Variants in DTX4 observed in about 807,000 individuals in gnomAD.
The protein encoded by DTX4 is E3 ubiquitin-protein ligase DTX4.
DTX4 carries 28 observed loss-of-function variants against 57.6 expected under a neutral mutation model. The observed-to-expected ratio is 0.49, with a 90% CI of 0.36 to 0.67. The LOEUF (loss-of-function observed/expected upper bound fraction) is 0.67, where lower values mean the gene tolerates loss of function less well. Ranked by LOEUF, DTX4 falls within the 30% of genes least tolerant of loss-of-function variation. DTX4 has a pLI of 0.00. For synonymous variants in DTX4, 316 were observed against 331.0 expected (o/e 0.95, Z 0.49); for missense variants, 715 against 836.8 (o/e 0.85, Z 1.80).
At chr11:59,188,683 C>A in intron 2 of DTX4, 52 bp from the exon 3 acceptor site, 1 of 1,461,930 alleles carries the variant, frequency 6.8e-7, no homozygotes, top group South Asian at 1.1e-5. Flanking sequence ...AATACTGGTC[C>A]ATTTTGTTCC....
rs1862843003 is a variant in DTX4 at position 59,208,359 on chromosome 11, C to CTG, written c.*3451_*3452insGT. On this transcript the variant is annotated 3_prime_UTR_variant, in exon 9 of 9. Coordinates refer to ENST00000227451, the MANE Select transcript of DTX4 (RefSeq NM_015177.2). ...CACCCACACATTTGACCTGGCTAGA[C>CTG]TTTGTTTGCCTAAAGGAACAGACCA... The CTG allele has an allele frequency of 3.3e-5, 1 of 30,576 alleles. No homozygotes were observed. Among genetic ancestry groups the CTG allele is most frequent in the African/African-American group, 8.3e-5 (1 of 12,064 alleles). The allele number at this position is 30,576 out of a possible 1,614,324, so 1.9% of individuals were successfully genotyped here. A position where few individuals can be genotyped will look rare whatever the true frequency, so the allele number is the denominator to read the frequency against.
chr11:59,189,442 A>G, intron 4 of DTX4, 119 bp downstream of exon 4: 1 of 1,011,046 alleles, frequency 9.9e-7, no homozygotes, highest in South Asian at 1.7e-5. Flanking sequence ...CAATTTCTGC[A>G]TCTGTAAGTG....
intron 7 of DTX4, among the ~76,000 whole-genome samples, chr11:59,196,448 C>T (rs1862671504): frequency 6.6e-6 from 1 of 152,260 alleles, no homozygotes; most frequent in African/African-American, 2.4e-5. Flanking sequence ...AAATGTACAT[C>T]ACTAATAAAA....
intron 8 of DTX4, among the ~76,000 whole-genome samples, chr11:59,200,470 G>C (rs1391323735): frequency 6.6e-6 from 1 of 152,126 alleles, no homozygotes; most frequent in Non-Finnish European, 1.5e-5. Flanking sequence ...CACCACATAG[G>C]AGCTTGATAG....
rs573068755 is a variant in DTX4, at chr11:59,183,031, G to A, written c.935+569G>A. ...GGGCTTTACATCTCATTTAATCCTTGCAACAACTCTATGAAGTAGGCAAGT... is the reference window on the plus strand; with the variant it reads ...GGGCTTTACATCTCATTTAATCCTTACAACAACTCTATGAAGTAGGCAAGT... On this transcript the variant is annotated intron_variant, in intron 2 of 8. Transcript: ENST00000227451. 2.6e-5 allele frequency among the ~76,000 whole-genome samples: 4 copies of A among 152,192 alleles called. 1 individual carries two copies. Among genetic ancestry groups the A allele is most frequent in the South Asian group, 2.1e-4 (1 of 4,828 alleles).
rs772608196 is a variant in DTX4 at position 59,172,581 on chromosome 11, A to C, written c.-15A>C. 7.1e-7 allele frequency: 1 copy of C among 1,408,822 alleles called. No individual in the cohort carries two copies. The highest frequency in any genetic ancestry group is 1.5e-5 in the African/African-American group (1 of 67,220). The allele number at this position is 1,408,822 out of a possible 1,614,324, so 87.3% of individuals were successfully genotyped here. A position where few individuals can be genotyped will look rare whatever the true frequency, so the allele number is the denominator to read the frequency against. On this transcript the variant is annotated 5_prime_UTR_variant, in exon 1 of 9. Transcript: ENST00000227451. ...CGGGAGGCGGGCCGCGCAGCGCCGC[A>C]GCCCCGGGCTCGCCATGCTCCTGGC...
chr11:59,190,449 G>C (rs1459503140), intron 4 of DTX4, among the ~76,000 whole-genome samples: 1 of 152,142 alleles, frequency 6.6e-6, no homozygotes, highest in Non-Finnish European at 1.5e-5. Context: ...GCCCAAGGTA[G>C]CACTGATCAT....
At chr11:59,176,146 T>C (rs1862393044) in intron 1 of DTX4, among the ~76,000 whole-genome samples, 1 of 152,156 alleles carries the variant, frequency 6.6e-6, no homozygotes, top group Admixed American at 6.5e-5. Flanking sequence ...TTAAATGATT[T>C]GACAGAAGCT....
In DTX4 at chr11:59,181,402, A is replaced by T. The variant is rs59391655; in HGVS notation, c.212-337A>T. ...TTTCCCAGGAGGGAAAGGGAGGCTG[A>T]GAGGTTCTATATTAGCTAGTAAATG... On this transcript the variant is annotated intron_variant, in intron 1 of 8. Coordinates refer to ENST00000227451, the MANE Select transcript of DTX4 (RefSeq NM_015177.2). Among the ~76,000 whole-genome samples the T allele has an allele frequency of 4.2e-3, 633 of 152,320 alleles. 8 individuals carry two copies. Among genetic ancestry groups the T allele is most frequent in the African/African-American group, 0.014 (575 of 41,576 alleles).
chr11:59,208,166 A>G lies in DTX4; in HGVS notation c.*3257A>G, dbSNP rs1862839728. 6.6e-6 allele frequency: 1 copy of G among 152,642 alleles called. No individual in the cohort carries two copies. The highest frequency in any genetic ancestry group is 2.4e-5 in the African/African-American group (1 of 41,442). 9.5% of individuals were successfully genotyped at this position (152,642 alleles called of 1,614,324 possible). ...GCAGAACAATAAATGGCAAATGAAC[A>G]ACCACAAAATTGTTACTCTTGTTGG... is the stretch of plus-strand genomic sequence containing the variant. On this transcript the variant is annotated 3_prime_UTR_variant, in exon 9 of 9. Coordinates refer to ENST00000227451, the MANE Select transcript of DTX4 (RefSeq NM_015177.2).
intron 1 of DTX4, 30 bp from the exon 2 acceptor site, chr11:59,181,709 T>C: frequency 6.4e-7 from 1 of 1,564,488 alleles, no homozygotes; most frequent in Non-Finnish European, 8.7e-7. Flanking sequence ...GCATGCTGAC[T>C]CTGACCTCTC....
chr11:59,178,766 G>C (rs1242429343), intron 1 of DTX4, among the ~76,000 whole-genome samples: 1 of 152,190 alleles, frequency 6.6e-6, no homozygotes, highest in Non-Finnish European at 1.5e-5. Flanking sequence ...GAAATGGATG[G>C]AAAATGGCTT....
chr11:59,186,851 C>T (rs910311815), intron 2 of DTX4, among the ~76,000 whole-genome samples: 4 of 152,190 alleles, frequency 2.6e-5, no homozygotes, highest in Non-Finnish European at 5.9e-5. Context: ...TCAGCTTTCT[C>T]CTCCATCCTC....
Position 59,172,780 on chromosome 11 carries a change from C to A in DTX4, c.185C>A (p.Ser62Tyr). The change falls in exon 1 of 9, where the codon TCC (serine) becomes TAC (tyrosine). Residue 62 changes from serine (S) to tyrosine (Y), a missense_variant. Physicochemically the swap from Ser to Tyr is moderately radical, Grantham distance 144. Transcript: ENST00000227451. ...GCGCCCTACATCATCGACCTGCAGT[C>A]CATGAACCAGTTCCGCCAAGACACG... The part of the protein sequence containing the change: ...RLAPYIIDLQ[S>Y]MNQFRQDTGT... The A allele has an allele frequency of 6.3e-7, 1 of 1,591,908 alleles. No homozygotes were observed. Among genetic ancestry groups the A allele is most frequent in the Admixed American group, 1.7e-5 (1 of 57,834 alleles).
At chr11:59,199,799 A>G (rs767074126) in intron 8 of DTX4, 26 bp downstream of exon 8, 1 of 1,545,016 alleles carries the variant, frequency 6.5e-7, no homozygotes. Context: ...TCCACATAGA[A>G]CTAGGTTTTA....
At position 59,195,273 on chromosome 11, in the gene DTX4, A is replaced by T. The variant is rs1220892350; in HGVS notation, c.1440A>T (p.Pro480=). Residue 480 remains proline (P), a synonymous_variant, in exon 7 of 9, where the codon CCA becomes CCT. Coordinates refer to ENST00000227451, the MANE Select transcript of DTX4 (RefSeq NM_015177.2). ...GGGTGAAGACAGGCACCCAACCTCC[A>T]GGGAAGATGGAGTACCACCTCATCC... ...IYGVKTGTQP[P]GKMEYHLIPH... is the part of the protein sequence containing the mutation. The T allele has an allele frequency of 6.2e-7, 1 of 1,613,926 alleles. No homozygotes were observed. Among genetic ancestry groups the T allele is most frequent in the Non-Finnish European group, 8.5e-7 (1 of 1,179,830 alleles).
chr11:59,188,743 C>T lies in DTX4; in HGVS notation c.944C>T (p.Thr315Ile), dbSNP rs1318278076. The change falls in exon 3 of 9, where the codon ACA becomes ATA. Residue 315 changes from threonine to isoleucine, a missense_variant. Coordinates refer to ENST00000227451, the MANE Select transcript of DTX4 (RefSeq NM_015177.2). ...GCTCTTTCCTTTCACAGGGTCCCCACAGTCCCAGTGAAGAACCTAAATGGG... is the reference window on the plus strand; with the variant it reads ...GCTCTTTCCTTTCACAGGGTCCCCATAGTCCCAGTGAAGAACCTAAATGGG... ...SRVLIASGVP[T>I]VPVKNLNGSS... The T allele has an allele frequency of 6.2e-7, 1 of 1,613,778 alleles. No homozygotes were observed. Among genetic ancestry groups the T allele is most frequent in the African/African-American group, 1.3e-5 (1 of 74,938 alleles).
In DTX4 at chr11:59,183,260, G is replaced by A. The variant is rs78812317; in HGVS notation, c.935+798G>A. On this transcript the variant is annotated intron_variant, in intron 2 of 8. Transcript: ENST00000227451. ...GGTGCAAAATGAGAGTTTCTTTCCCGTAGTCTCTCTGGAAGCCAGAGAGGT... is the reference window on the plus strand; with the variant it reads ...GGTGCAAAATGAGAGTTTCTTTCCCATAGTCTCTCTGGAAGCCAGAGAGGT... Among the ~76,000 whole-genome samples, 287 of 152,234 alleles carry A rather than the reference G, an allele frequency of 1.9e-3. 2 individuals carry two copies. The highest frequency in any genetic ancestry group is 6.1e-3 in the African/African-American group (255 of 41,524).
At chr11:59,172,867 C>A in intron 1 of DTX4, 61 bp downstream of exon 1, 1 of 1,370,380 alleles carries the variant, frequency 7.3e-7, no homozygotes, top group Non-Finnish European at 9.8e-7. Context: ...TGCCAAGGTA[C>A]CTCCCTCCCT....
Sources: gnomAD v4.1 joint callset for allele counts (sites outside exome capture counted in the v4.1 genomes callset) on GRCh38, gnomAD v4.1.1 for gene constraint, MANE v1.5 for transcripts, NCBI Gene and HGNC (gene_info 2026-07-23, HGNC 2026-07-21) for gene names.